PCDHGA2: variants seen among roughly 807,000 people sequenced by gnomAD.
PCDHGA2 encodes protocadherin gamma subfamily A, 2, also known as protocadherin gamma-A2.
PCDHGA2 carries 40 observed loss-of-function variants against 59.2 expected under a neutral mutation model. The ratio of observed to expected loss-of-function variants is 0.68; its 90% CI spans 0.52 to 0.88. The LOEUF is 0.88. Ranked by LOEUF, PCDHGA2 falls within the 40% of genes least tolerant of loss-of-function variation. The pLI is 0.00. For synonymous variants in PCDHGA2, 560 were observed against 526.0 expected (o/e 1.06, Z -0.89); for missense variants, 1,226 against 1,204.0 (o/e 1.02, Z -0.27).
At chr5:141,444,119 T>G (rs1236466434) in intron 1 of PCDHGA2, among the ~76,000 whole-genome samples, 4 of 146,736 alleles carry the variant, frequency 2.7e-5, no homozygotes, top group African/African-American at 1.0e-4. Context: ...AAGTGAAGTA[T>G]CTCAACAGAT....
chr5:141,371,456 A>T (rs755481962), intron 1 of PCDHGA2: 2 of 1,613,902 alleles, frequency 1.2e-6, no homozygotes, highest in African/African-American at 2.7e-5. Flanking sequence ...CTGAATCCCA[A>T]CATATACAAG....
At chr5:141,383,757 T>A (rs557236350) in intron 1 of PCDHGA2, 1 of 1,613,992 alleles carries the variant, frequency 6.2e-7, no homozygotes, top group East Asian at 2.2e-5. Context: ...AAATAACTCC[T>A]AAACTTCCAA....
rs759191157 is a variant in PCDHGA2, at chr5:141,485,768, C to T, written c.2425-9039C>T. Reference sequence around the variant, plus strand: ...GGTCCCAGAGCTGCTCCTGGAGAAGCCTTTGGATCGAGAGAAGCAATCGGA... The same window carrying T: ...GGTCCCAGAGCTGCTCCTGGAGAAGTCTTTGGATCGAGAGAAGCAATCGGA... On this transcript the variant is annotated intron_variant, in intron 1 of 3. Transcript: ENST00000394576. This position sits in a 1 kb window ranked among gnomAD's most constrained non-coding sequence, Gnocchi z 5.7. The T allele has an allele frequency of 5.6e-6, 9 of 1,614,074 alleles. No individual in the cohort carries two copies. The highest frequency in any genetic ancestry group is 1.7e-5 in the Admixed American group (1 of 60,000).
At chr5:141,350,170 G>C in intron 1 of PCDHGA2, 1 of 1,241,078 alleles carries the variant, frequency 8.1e-7, no homozygotes, top group East Asian at 2.6e-5. Context: ...TAACTAATAA[G>C]TCCTAAGCTC....
intron 1 of PCDHGA2, among the ~76,000 whole-genome samples, chr5:141,406,353 T>G (rs1380718525): frequency 6.6e-6 from 1 of 152,196 alleles, no homozygotes; most frequent in Admixed American, 6.5e-5. Context: ...CAGGTCATAC[T>G]ATGTTTGTAA....
intron 1 of PCDHGA2, chr5:141,384,799 G>A: frequency 1.2e-6 from 2 of 1,613,476 alleles, no homozygotes; most frequent in South Asian, 1.1e-5. Context: ...GGCCCTGCTG[G>A]ACAGAGATGC....
chr5:141,421,538 T>A, intron 1 of PCDHGA2: 2 of 1,614,028 alleles, frequency 1.2e-6, no homozygotes, highest in Non-Finnish European at 1.7e-6. Context: ...TCCTCCTGTT[T>A]TTTAAATATG....
intron 1 of PCDHGA2, among the ~76,000 whole-genome samples, chr5:141,400,831 C>CT (rs1457237248): frequency 1.3e-5 from 2 of 152,146 alleles, no homozygotes; most frequent in Admixed American, 6.5e-5. Flanking sequence ...TTGTCTCATT[C>CT]TTTAACATGT....
chr5:141,413,833 G>A (rs917295013), intron 1 of PCDHGA2: 1 of 1,613,276 alleles, frequency 6.2e-7, no homozygotes, highest in Non-Finnish European at 8.5e-7. Context: ...CACCGCCTCC[G>A]ACGGGGGTGA....
rs1269856662 is a variant in PCDHGA2, at chr5:141,375,833, C to A, written c.2424+34438C>A. On this transcript the variant is annotated intron_variant, in intron 1 of 3. Coordinates refer to ENST00000394576, the MANE Select transcript of PCDHGA2 (RefSeq NM_018915.4). The stretch of plus-strand genomic sequence containing the variant: ...GGAGCTGGCGCCCCGCTCCGCAGAG[C>A]CCGGCTACCTGGTGACCAAGGTGGT... 6.2e-7 allele frequency: 1 copy of A among 1,614,034 alleles called. No homozygotes were observed. Among genetic ancestry groups the A allele is most frequent in the Non-Finnish European group, 8.5e-7 (1 of 1,180,048 alleles).
In PCDHGA2 at chr5:141,477,718, A is replaced by G; in HGVS notation, c.2425-17089A>G. 6.2e-7 allele frequency: 1 copy of G among 1,613,928 alleles called. No homozygotes were observed. The highest frequency in any genetic ancestry group is 8.5e-7 in the Non-Finnish European group (1 of 1,180,034). On this transcript the variant is annotated intron_variant, in intron 1 of 3. Coordinates refer to ENST00000394576, the MANE Select transcript of PCDHGA2 (RefSeq NM_018915.4). The surrounding 1 kb of genome is among the most constrained non-coding windows in gnomAD (Gnocchi z 4.9). ...ACTATGAGGATCGGCGGGAATTTGA[A>G]TTAACAGCTCATATCAGCGATGGGG...
chr5:141,371,842 C>T (rs1768100584), intron 1 of PCDHGA2: 3 of 1,613,586 alleles, frequency 1.9e-6, no homozygotes, highest in African/African-American at 1.3e-5. Context: ...GACTTGGGAC[C>T]TAATGGCCTT....
rs775800386 is a variant in PCDHGA2 at position 141,338,761 on chromosome 5, A to G, written c.-211A>G. 8.8e-6 allele frequency: 11 copies of G among 1,247,754 alleles called. No individual in the cohort carries two copies. Among genetic ancestry groups the G allele is most frequent in the Non-Finnish European group, 1.1e-5 (11 of 991,018 alleles). The allele number at this position is 1,247,754 out of a possible 1,614,324, so 77.3% of individuals were successfully genotyped here. On this transcript the variant is annotated 5_prime_UTR_variant, in exon 1 of 4. Transcript: ENST00000394576. ...GGAGTAAAAGGCAGCGAGACATCCA[A>G]TCCAGCAATACGGCTCCCACAGCAC...
intron 1 of PCDHGA2, chr5:141,376,225 C>T (rs1772427738): frequency 6.2e-7 from 1 of 1,614,206 alleles, no homozygotes; most frequent in Non-Finnish European, 8.5e-7. Context: ...TGCTGGCGCT[C>T]AGACTGCAGC....
intron 1 of PCDHGA2, chr5:141,352,329 T>C (rs1202025884): frequency 1.1e-5 from 17 of 1,613,954 alleles, no homozygotes; most frequent in Non-Finnish European, 1.4e-5. Flanking sequence ...TACCTGGTTG[T>C]GGCCTTGGCC....
chr5:141,447,181 G>T (rs442221), intron 1 of PCDHGA2, among the ~76,000 whole-genome samples: 1 of 152,338 alleles, frequency 6.6e-6, no homozygotes, highest in Admixed American at 6.5e-5. Context: ...CTCTTGTCGC[G>T]CAGGCTGGAG....
At chr5:141,374,608 T>C (rs1480045739) in intron 1 of PCDHGA2, 1 of 1,613,484 alleles carries the variant, frequency 6.2e-7, no homozygotes, top group African/African-American at 1.3e-5. Flanking sequence ...TCAGTGGTAA[T>C]AGTCACTTCT....
At chr5:141,415,725 T>A in intron 1 of PCDHGA2, 1 of 1,437,122 alleles carries the variant, frequency 7.0e-7, no homozygotes, top group Non-Finnish European at 9.2e-7. Context: ...TGAGTAGAAT[T>A]TGATGTTTAT....
intron 1 of PCDHGA2, among the ~76,000 whole-genome samples, chr5:141,455,408 G>A (rs1024760282): frequency 6.6e-6 from 1 of 152,150 alleles, no homozygotes; most frequent in Non-Finnish European, 1.5e-5. Context: ...TACAGAGACA[G>A]AGGGAGCGGG....
Sources: gnomAD v4.1 joint callset for allele counts (sites outside exome capture counted in the v4.1 genomes callset) on GRCh38, gnomAD v4.1.1 for gene constraint, Gnocchi (gnomAD v3.1) non-coding constraint, MANE v1.5 for transcripts, NCBI Gene and HGNC (gene_info 2026-07-23, HGNC 2026-07-21) for gene names.